The following CUL4B variants were observed in gnomAD, a reference collection of about 807,000 sequenced individuals.
The protein encoded by CUL4B is cullin-4B.
A neutral mutation model predicts 69.2 loss-of-function variants in CUL4B; 1 was observed. The observed-to-expected ratio is 0.01, with a 90% CI of 0.01 to 0.07. CUL4B has a LOEUF of 0.07. Ranked by LOEUF, CUL4B falls within the 10% of genes least tolerant of loss-of-function variation. The pLI, the probability that CUL4B is intolerant of heterozygous loss-of-function variation, is 1.00. For missense variants in CUL4B, 328 were observed against 638.8 expected, an observed-to-expected ratio of 0.51 and a Z score of 5.24; for synonymous variants, 237 against 223.2, an observed-to-expected ratio of 1.06 and a Z score of -0.55.
In CUL4B at chrX:120,554,846, A is replaced by G. The variant is rs1924877446; in HGVS notation, c.672+3078T>C. 2.7e-5 allele frequency among the ~76,000 whole-genome samples: 3 copies of G among 112,079 alleles called. No individual in the cohort carries two copies. In the Admixed American group the frequency reaches 2.9e-4, roughly 11 times the overall value. On this transcript the variant is annotated intron_variant, in intron 2 of 19. Transcript: ENST00000371322. ...GTAGATTGAGAGAGTACTTCTAATT[A>G]CGTTTCAATGAGTCAAAATCAAACA...
downstream of CUL4B, among the ~76,000 whole-genome samples, chrX:120,567,671 G>A (rs961767131): frequency 1.6e-4 from 17 of 103,411 alleles, no homozygotes; most frequent in Admixed American, 3.1e-4. Context: ...TTGAAGCCAG[G>A]AGTTCAAGAC....
At position 120,545,515 on chromosome X, in the gene CUL4B, G is replaced by T. The variant is rs765601942; in HGVS notation, c.849C>A (p.Ile283=). The change falls in exon 5 of 20, where the codon ATC becomes ATA. Residue 283 remains isoleucine (I), a splice_region_variant and synonymous_variant. Transcript: ENST00000371322. ...RCWQNHCRQM[I]MIRSIFLFLD... ...GAAACAAAAAAATGCTCCTGATCAT[G>T]ATCTGCCAATGAAAAAAAAAGAAAT... The T allele has an allele frequency of 8.7e-6, 10 of 1,153,223 alleles. No homozygotes were observed. Among genetic ancestry groups the T allele is most frequent in the Non-Finnish European group, 1.2e-5 (10 of 854,899 alleles).
chrX:120,532,058 CTAA>C (rs1257748350), intron 18 of CUL4B, among the ~76,000 whole-genome samples: 3 of 111,599 alleles, frequency 2.7e-5, no homozygotes, highest in African/African-American at 9.8e-5. Context: ...ATTTATAATA[CTAA>C]TAAGTCATGA....
chrX:120,535,011 C>A lies in CUL4B; in HGVS notation c.2161-425G>T, dbSNP rs530593902. Among the ~76,000 whole-genome samples the A allele has an allele frequency of 5.4e-5, 6 of 111,598 alleles. No homozygotes were observed. The South Asian group carries it at 2.2e-3, about 42-fold the overall frequency. ...TTAACTCCCACTCTATTCGTAGCTC[C>A]CAGCAACAAGATTTCTGTCAAGAAG... On this transcript the variant is annotated intron_variant, in intron 16 of 19. Coordinates refer to ENST00000371322, the MANE Select transcript of CUL4B (RefSeq NM_001079872.2).
In CUL4B at chrX:120,540,412, T is replaced by A; in HGVS notation, c.1594A>T (p.Thr532Ser). The change falls in exon 11 of 20, where the codon ACG becomes TCG. Residue 532 changes from threonine to serine, a missense_variant. By Grantham distance (58) the Thr-to-Ser change is moderately conservative. Transcript: ENST00000371322. Reference sequence around the variant, plus strand: ...TTATTTGGTCTTTTGTTAATGAACGTTTCAAATGCTTCTTTCATGGCATTG... The same window carrying A: ...TTATTTGGTCTTTTGTTAATGAACGATTCAAATGCTTCTTTCATGGCATTG... ...FINAMKEAFE[T>S]FINKRPNKPA... is the part of the protein sequence containing the mutation. 1 of 1,210,177 alleles carries A rather than the reference T, an allele frequency of 8.3e-7. No individual in the cohort carries two copies. Among genetic ancestry groups the A allele is most frequent in the Non-Finnish European group, 1.1e-6 (1 of 894,109 alleles).
Position 120,558,356 on chromosome X carries a change from T to C in CUL4B, c.557-317A>G, listed in dbSNP as rs946372998. On this transcript the variant is annotated intron_variant, in intron 1 of 19. Coordinates refer to ENST00000371322, the MANE Select transcript of CUL4B (RefSeq NM_001079872.2). ...TAACAATCCTGATCTTATTTCATCA[T>C]GTGTAAAACCTAAGTCGACATGAAT... 4.5e-5 allele frequency among the ~76,000 whole-genome samples: 5 copies of C among 112,212 alleles called. 1 individual carries two copies. Among genetic ancestry groups the C allele is most frequent in the Admixed American group, 3.8e-4 (4 of 10,542 alleles).
Position 120,560,325 on chromosome X carries a change from T to C in CUL4B, c.314A>G (p.Asp105Gly). Reference sequence around the variant, plus strand: ...ATCAAACCCTACAAACTCCAGGGTGTCTTCAAAACGCAGCTTCTTCTGTAT... The same window carrying C: ...ATCAAACCCTACAAACTCCAGGGTGCCTTCAAAACGCAGCTTCTTCTGTAT... ...VPIQKKLRFE[D>G]TLEFVGFDAK... The change falls in exon 1 of 20, where the codon GAC (aspartate) becomes GGC (glycine). Residue 105 changes from aspartate (D) to glycine (G), a missense_variant. Asp to Gly is a moderately conservative substitution (Grantham distance 94). Coordinates refer to ENST00000371322, the MANE Select transcript of CUL4B (RefSeq NM_001079872.2). 8.3e-7 allele frequency: 1 copy of C among 1,210,730 alleles called. No homozygotes were observed. The highest frequency in any genetic ancestry group is 1.1e-6 in the Non-Finnish European group (1 of 894,830).
intron 14 of CUL4B, 133 bp downstream of exon 14, chrX:120,537,991 A>T (rs1923768441): frequency 4.3e-6 from 2 of 468,406 alleles, no homozygotes; most frequent in Admixed American, 3.9e-5. Context: ...TTTTTTTTCT[A>T]CTGTGAATAT....
At chrX:120,547,393 A>G (rs1213214542) in intron 2 of CUL4B, among the ~76,000 whole-genome samples, 154 bp from the exon 3 acceptor site, 1 of 112,520 alleles carries the variant, frequency 8.9e-6, no homozygotes, top group Non-Finnish European at 1.9e-5. Flanking sequence ...AAATATATCA[A>G]TGTGGGTGGC....
Position 120,526,635 on chromosome X carries a change from T to C in CUL4B, c.*126A>G. On this transcript the variant is annotated 3_prime_UTR_variant, in exon 20 of 20. Coordinates refer to ENST00000371322, the MANE Select transcript of CUL4B (RefSeq NM_001079872.2). ...CACTGAGAAAAAGTCCACTCAACTA[T>C]TTCCATTAATTACACTGCTTCATTT... The C allele has an allele frequency of 2.2e-6, 1 of 463,517 alleles. No individual in the cohort carries two copies. Among genetic ancestry groups the C allele is most frequent in the South Asian group, 2.5e-5 (1 of 39,925 alleles). The allele number at this position is 463,517 out of a possible 1,213,427, so 38.2% of individuals were successfully genotyped here.
Position 120,539,276 on chromosome X carries a change from A to G in CUL4B, c.1733T>C (p.Phe578Ser). 1.8e-6 allele frequency: 2 copies of G among 1,109,366 alleles called. No individual in the cohort carries two copies. Among genetic ancestry groups the G allele is most frequent in the Non-Finnish European group, 2.5e-6 (2 of 810,572 alleles). The allele number at this position is 1,109,366 out of a possible 1,213,427, so 91.4% of individuals were successfully genotyped here. Reference sequence around the variant, plus strand: ...CATTAGTAAATACTTACCATAGATAAATCTAAATATGATCATAATTTTATC... The same window carrying G: ...CATTAGTAAATACTTACCATAGATAGATCTAAATATGATCATAATTTTATC... ...MLDKIMIIFR[F>S]IYGKDVFEAF... The change falls in exon 12 of 20, where the codon TTT (phenylalanine) becomes TCT (serine). Residue 578 changes from phenylalanine (F) to serine (S), a missense_variant. Transcript: ENST00000371322.
downstream of CUL4B, among the ~76,000 whole-genome samples, chrX:120,568,140 G>A (rs1925610432): frequency 9.0e-6 from 1 of 111,286 alleles, no homozygotes; most frequent in African/African-American, 3.3e-5. Flanking sequence ...GAGGAAAAAA[G>A]CTAATAGGAA....
chrX:120,529,255 C>T (rs1007571848), intron 19 of CUL4B, among the ~76,000 whole-genome samples: 3 of 111,595 alleles, frequency 2.7e-5, no homozygotes, highest in Non-Finnish European at 5.6e-5. Context: ...AAAATGCTTA[C>T]CTTATTAGAA....
At chrX:120,560,031 C>G (rs1569396362) in intron 1 of CUL4B, 52 bp downstream of exon 1, 1 of 1,208,786 alleles carries the variant, frequency 8.3e-7, no homozygotes, top group Non-Finnish European at 1.1e-6. Context: ...AGCACGTGAC[C>G]CCTCGAGTGT....
At chrX:120,539,830 C>A (rs1025781141) in intron 11 of CUL4B, among the ~76,000 whole-genome samples, 2 of 111,903 alleles carry the variant, frequency 1.8e-5, no homozygotes, top group African/African-American at 6.5e-5. Flanking sequence ...TACATGTTTA[C>A]GGATACATAG....
intron 2 of CUL4B, chrX:120,574,535 T>A: frequency 8.5e-7 from 1 of 1,177,721 alleles, no homozygotes; most frequent in Non-Finnish European, 1.2e-6. Context: ...TGAGTTTTAC[T>A]AGTTCATTTA....
At chrX:120,531,669 A>G (rs1238011403) in intron 18 of CUL4B, among the ~76,000 whole-genome samples, 1 of 110,267 alleles carries the variant, frequency 9.1e-6, no homozygotes. Flanking sequence ...CATGTTGGCC[A>G]AGCTGGTTTT....
chrX:120,560,649 G>C lies in CUL4B; in HGVS notation c.-11C>G. 1.7e-6 allele frequency: 2 copies of C among 1,199,587 alleles called. No homozygotes were observed. Among genetic ancestry groups the C allele is most frequent in the Non-Finnish European group, 2.2e-6 (2 of 894,579 alleles). On this transcript the variant is annotated 5_prime_UTR_variant, in exon 1 of 20. Transcript: ENST00000371322. ...ACCTGTTGGAAACATGAAAATAGCG[G>C]GGTCAACAGGCAGAGGAGCATCAAA...
chrX:120,550,968 AT>A (rs1411989155), intron 2 of CUL4B, among the ~76,000 whole-genome samples: 1 of 112,010 alleles, frequency 8.9e-6, no homozygotes, highest in Non-Finnish European at 1.9e-5. Context: ...AAAACTAATA[AT>A]GTCTGTCACA....
Sources: allele counts gnomAD v4.1 joint callset (sites outside exome capture counted in the v4.1 genomes callset), GRCh38; gene constraint gnomAD v4.1.1; transcripts MANE v1.5; gene names NCBI Gene and HGNC (gene_info 2026-07-23, HGNC 2026-07-21).